Variants in NCKAP5 observed in about 807,000 individuals in gnomAD.
NCKAP5 encodes the protein NCK associated protein 5.
In NCKAP5, 92 loss-of-function variants were observed where a neutral mutation model predicts 167.0. The ratio of observed to expected loss-of-function variants is 0.55; its 90% CI spans 0.47 to 0.66. The LOEUF is 0.66. Ranked by LOEUF, NCKAP5 falls within the 30% of genes least tolerant of loss-of-function variation. NCKAP5 has a pLI of 0.00. For synonymous variants in NCKAP5, 891 were observed against 877.4 expected (o/e 1.02, Z -0.27); for missense variants, 2,378 against 2,315.0 (o/e 1.03, Z -0.56).
chr2:133,652,358 C>A, the NCKAP5 span, among the ~76,000 whole-genome samples: 2 of 152,214 alleles, frequency 1.3e-5, no homozygotes, highest in African/African-American at 4.8e-5. Flanking sequence ...TAAGAAAGAA[C>A]ACAGAGTTCT....
chr2:133,525,011 C>T (rs1684756159), intron 2 of NCKAP5, among the ~76,000 whole-genome samples: 1 of 152,064 alleles, frequency 6.6e-6, no homozygotes, highest in Non-Finnish European at 1.5e-5. Context: ...TGCACTCTGA[C>T]AACAAAACCA....
At chr2:133,373,162 C>A (rs1685910408) in intron 3 of NCKAP5, among the ~76,000 whole-genome samples, 1 of 152,178 alleles carries the variant, frequency 6.6e-6, no homozygotes, top group African/African-American at 2.4e-5. Context: ...CGGGTTCAAG[C>A]AAGCCTTGTG....
intron 13 of NCKAP5, 117 bp downstream of exon 13, chr2:132,789,906 G>T: frequency 1.1e-6 from 1 of 872,832 alleles, no homozygotes. Context: ...TACATGAGCA[G>T]GTGCTCAGCA....
At chr2:133,591,687 A>G in the NCKAP5 span, among the ~76,000 whole-genome samples, 2 of 152,226 alleles carry the variant, frequency 1.3e-5, no homozygotes, top group Non-Finnish European at 2.9e-5. Context: ...CCACCTTAGA[A>G]TGTGCAGAGA....
rs114767582 is a variant in NCKAP5 at position 133,096,701 on chromosome 2, C to T, written c.341+33277G>A. On this transcript the variant is annotated intron_variant, in intron 6 of 19. Coordinates refer to ENST00000409261, the MANE Select transcript of NCKAP5 (RefSeq NM_207363.3). ...AGTTTATCTTCCATGAGTAGGCCTCCCCTAGGTGGTGGAAGTAAAACTGAA... is the reference window on the plus strand; with the variant it reads ...AGTTTATCTTCCATGAGTAGGCCTCTCCTAGGTGGTGGAAGTAAAACTGAA... Among the ~76,000 whole-genome samples, 592 of 152,074 alleles carry T rather than the reference C, an allele frequency of 3.9e-3. 3 individuals carry two copies. The highest frequency in any genetic ancestry group is 0.014 in the African/African-American group (566 of 41,476).
At chr2:133,253,918 A>C (rs1279253465) in intron 4 of NCKAP5, among the ~76,000 whole-genome samples, 1 of 152,210 alleles carries the variant, frequency 6.6e-6, no homozygotes, top group East Asian at 1.9e-4. Flanking sequence ...CATGTTCTTT[A>C]AAGAGCAACC....
chr2:133,564,047 T>C (rs918758216), intron 1 of NCKAP5, among the ~76,000 whole-genome samples: 5 of 151,900 alleles, frequency 3.3e-5, no homozygotes, highest in African/African-American at 1.2e-4. Context: ...AGCAGGAGAA[T>C]CACTTGAACC....
At chr2:133,168,938 A>G (rs1306132858) in intron 5 of NCKAP5, among the ~76,000 whole-genome samples, 1 of 152,160 alleles carries the variant, frequency 6.6e-6, no homozygotes, top group Non-Finnish European at 1.5e-5. Context: ...TAAACGCTGT[A>G]TCCCAAATGG....
the NCKAP5 span, among the ~76,000 whole-genome samples, chr2:133,596,570 T>C: frequency 6.6e-6 from 1 of 151,842 alleles, no homozygotes; most frequent in Non-Finnish European, 1.5e-5. Flanking sequence ...GGGGATACAG[T>C]AGAGGGAAGA....
chr2:133,158,739 A>T (rs1021346112), intron 5 of NCKAP5, among the ~76,000 whole-genome samples: 2 of 152,100 alleles, frequency 1.3e-5, no homozygotes, highest in Non-Finnish European at 2.9e-5. Flanking sequence ...CAATCTTTCC[A>T]AATATAATTT....
rs1335081108 is a variant in NCKAP5, at chr2:132,784,218, T to C, written c.2593A>G (p.Ile865Val). 4 of 1,582,124 alleles carry C rather than the reference T, an allele frequency of 2.5e-6. No homozygotes were observed. The Admixed American group carries it at 7.4e-5, about 29-fold the overall frequency. The change falls in exon 14 of 20, where the codon ATT (isoleucine) becomes GTT (valine). Residue 865 changes from isoleucine (I) to valine (V), a missense_variant. Transcript: ENST00000409261. ...PLFELRSDPH[I>V]PKHSAQLPHS... ...GGAAGTTGGGCGGAATGTTTTGGAATGTGTGGATCTGATCGTAATTCAAAG... is the reference window on the plus strand; with the variant it reads ...GGAAGTTGGGCGGAATGTTTTGGAACGTGTGGATCTGATCGTAATTCAAAG...
At chr2:132,806,556 T>C (rs544468263) in intron 11 of NCKAP5, among the ~76,000 whole-genome samples, 1 of 152,264 alleles carries the variant, frequency 6.6e-6, no homozygotes, top group East Asian at 1.9e-4. Flanking sequence ...TTGGTAGCCA[T>C]TTGTATATTT....
chr2:132,732,642 T>C (rs947813968), intron 16 of NCKAP5, among the ~76,000 whole-genome samples: 19 of 152,162 alleles, frequency 1.2e-4, no homozygotes, highest in African/African-American at 4.3e-4. Context: ...AGAGACCAAA[T>C]TGTGGTCACC....
intron 2 of NCKAP5, among the ~76,000 whole-genome samples, chr2:133,519,523 G>A (rs1684302646): frequency 6.6e-6 from 1 of 152,044 alleles, no homozygotes; most frequent in African/African-American, 2.4e-5. Flanking sequence ...TGGTAGTTCA[G>A]AACACCCTCT....
intron 6 of NCKAP5, among the ~76,000 whole-genome samples, chr2:132,997,684 A>T (rs1340382879): frequency 6.6e-6 from 1 of 152,050 alleles, no homozygotes; most frequent in Admixed American, 6.6e-5. Context: ...GTTTTAAATG[A>T]GTAAGAGTCT....
At chr2:133,217,659 T>C (rs1284316792) in intron 4 of NCKAP5, among the ~76,000 whole-genome samples, 3 of 152,062 alleles carry the variant, frequency 2.0e-5, no homozygotes, top group African/African-American at 4.8e-5. Context: ...GGAGATTATA[T>C]TTAGTTCATC....
the NCKAP5 span, among the ~76,000 whole-genome samples, chr2:133,647,376 AAAGGAAGG>A: frequency 9.1e-3 from 751 of 82,514 alleles, 14 homozygotes; most frequent in South Asian, 0.015. Flanking sequence ...AGGAAGAAAG[AAAGGAAGG>A]AAGGAAGGAA....
intron 6 of NCKAP5, among the ~76,000 whole-genome samples, chr2:133,004,926 T>C (rs2077911311): frequency 6.6e-6 from 1 of 152,200 alleles, no homozygotes; most frequent in African/African-American, 2.4e-5. Flanking sequence ...AATTTAGCAA[T>C]ATTTCTCCTA....
intron 8 of NCKAP5, among the ~76,000 whole-genome samples, chr2:132,895,846 C>A (rs1286795320): frequency 8.4e-4 from 113 of 133,922 alleles, no homozygotes; most frequent in East Asian, 7.5e-3. Flanking sequence ...AAAAAAAAAA[C>A]ACAGTAGGCC....
Sources: gnomAD v4.1 joint callset for allele counts (sites outside exome capture counted in the v4.1 genomes callset) on GRCh38, gnomAD v4.1.1 for gene constraint, MANE v1.5 for transcripts, NCBI Gene and HGNC (gene_info 2026-07-23, HGNC 2026-07-21) for gene names.